PCDHGB5: variants seen among roughly 807,000 people sequenced by gnomAD.
PCDHGB5 encodes the protein protocadherin gamma subfamily B, 5.
PCDHGB5 carries 48 observed loss-of-function variants against 62.9 expected under a neutral mutation model. That is an observed-to-expected ratio of 0.76 (90% confidence interval 0.61 to 0.97). The LOEUF (loss-of-function observed/expected upper bound fraction) is 0.97, where lower values mean the gene tolerates loss of function less well. PCDHGB5 is among the 50% of genes least tolerant of loss of function. The pLI is 0.00. For synonymous variants in PCDHGB5, 474 were observed against 511.2 expected, an observed-to-expected ratio of 0.93 and a Z score of 0.98; for missense variants, 1,118 against 1,198.6, an observed-to-expected ratio of 0.93 and a Z score of 0.99.
chr5:141,495,839 A>G (rs2099764148), intron 2 of PCDHGB5, among the ~76,000 whole-genome samples: 1 of 150,756 alleles, frequency 6.6e-6, no homozygotes, highest in South Asian at 2.1e-4. Flanking sequence ...CCCAGCCTCT[A>G]TGTTTCTCTG....
Position 141,399,654 on chromosome 5 carries a change from G to A in PCDHGB5, c.1527G>A (p.Val509=), listed in dbSNP as rs2093857278. The change falls in exon 1 of 4, where the codon GTG becomes GTA. Residue 509 remains valine (V), a synonymous_variant. Coordinates refer to ENST00000617380, the MANE Select transcript of PCDHGB5 (RefSeq NM_018925.3). ...SYVSMSAQSG[V]VFAQRAFDYE... ...TGTCCATGAGCGCGCAAAGTGGGGTGGTGTTCGCGCAGCGCGCCTTTGACT... is the reference window on the plus strand; with the variant it reads ...TGTCCATGAGCGCGCAAAGTGGGGTAGTGTTCGCGCAGCGCGCCTTTGACT... 1.2e-6 allele frequency: 2 copies of A among 1,613,586 alleles called. No homozygotes were observed.
At position 141,489,494 on chromosome 5, in the gene PCDHGB5, C is replaced by A. The variant is rs1191408769; in HGVS notation, c.2398-5313C>A. ...CTGAGCTTGATGAGTGGTGCCCTGGCAGTGAATCAAAAGATTGACCGAGAA... is the reference window on the plus strand; with the variant it reads ...CTGAGCTTGATGAGTGGTGCCCTGGAAGTGAATCAAAAGATTGACCGAGAA... On this transcript the variant is annotated intron_variant, in intron 1 of 3. Coordinates refer to ENST00000617380, the MANE Select transcript of PCDHGB5 (RefSeq NM_018925.3). This position sits in a 1 kb window ranked among gnomAD's most constrained non-coding sequence, Gnocchi z 4.5. 1.1e-5 allele frequency: 18 copies of A among 1,613,932 alleles called. No individual in the cohort carries two copies. The highest frequency in any genetic ancestry group is 1.7e-5 in the Admixed American group (1 of 59,998).
In PCDHGB5 at chr5:141,400,445, A is replaced by G. The variant is rs779145110; in HGVS notation, c.2318A>G (p.Gln773Arg). ...TGTAGTGAGCAATTGAGTTCAGGAC[A>G]AGACATACTTTGTGGTGATTCATCT... ...LKCSEQLSSGQDILCGDSSGA... is the reference protein window; with the variant it reads ...LKCSEQLSSGRDILCGDSSGA... The change falls in exon 1 of 4, where the codon CAA (glutamine) becomes CGA (arginine). Residue 773 changes from glutamine to arginine, a missense_variant. Physicochemically the swap from Gln to Arg is conservative, Grantham distance 43. This residue lies in a region of PCDHGB5 where 1,034 missense variants were observed against 1,029.1 expected (regional missense o/e 1.00). Transcript: ENST00000617380. The G allele has an allele frequency of 6.2e-7, 1 of 1,614,084 alleles. No individual in the cohort carries two copies. The highest frequency in any genetic ancestry group is 8.5e-7 in the Non-Finnish European group (1 of 1,179,906).
chr5:141,454,228 T>C (rs6896225), intron 1 of PCDHGB5, among the ~76,000 whole-genome samples: 1,935 of 152,208 alleles, frequency 0.013, 54 homozygotes, highest in African/African-American at 0.044. Flanking sequence ...AAAGTAATTG[T>C]GATGAAAAGG....
At chr5:141,404,000 A>G (rs758512396) in intron 1 of PCDHGB5, 1 of 1,613,956 alleles carries the variant, frequency 6.2e-7, no homozygotes. Flanking sequence ...AGTGACCATT[A>G]CATCTCTGTT....
chr5:141,476,236 AAG>A lies in PCDHGB5; in HGVS notation c.2398-18565_2398-18564del. ...TCATTCACTATGAGATCCCGGAGGA[AAG>A]AGAGAAGGGTTTCGCTGTGGGCAAC... is the stretch of plus-strand genomic sequence containing the variant. On this transcript the variant is annotated intron_variant, in intron 1 of 3. Transcript: ENST00000617380. The surrounding 1 kb of genome is among the most constrained non-coding windows in gnomAD (Gnocchi z 7.6). 2.5e-6 allele frequency: 4 copies of A among 1,613,980 alleles called. No individual in the cohort carries two copies. Among genetic ancestry groups the A allele is most frequent in the Non-Finnish European group, 3.4e-6 (4 of 1,180,004 alleles).
chr5:141,421,019 C>T, intron 1 of PCDHGB5: 1 of 516,402 alleles, frequency 1.9e-6, no homozygotes, highest in Non-Finnish European at 3.4e-6. Flanking sequence ...TGGGAAGCTG[C>T]GCGCCATTGA....
At chr5:141,409,988 GCCGACT>G in intron 1 of PCDHGB5, 1 of 1,613,278 alleles carries the variant, frequency 6.2e-7, no homozygotes, top group East Asian at 2.2e-5. Context: ...AGCGGTGGAC[GCCGACT>G]CGGGACACAA....
At position 141,419,393 on chromosome 5, in the gene PCDHGB5, G is replaced by C; in HGVS notation, c.2397+18869G>C. On this transcript the variant is annotated intron_variant, in intron 1 of 3. Transcript: ENST00000617380. ...CTACGTGTCCGTGAGCGCGCAGAGC[G>C]GGGTGGTGTTCGCGCAGCGCGCCTT... 1.2e-6 allele frequency: 2 copies of C among 1,613,620 alleles called. No homozygotes were observed. The highest frequency in any genetic ancestry group is 1.7e-6 in the Non-Finnish European group (2 of 1,179,912).
chr5:141,501,331 A>T (rs1024837974), intron 2 of PCDHGB5, among the ~76,000 whole-genome samples: 2 of 138,846 alleles, frequency 1.4e-5, no homozygotes, highest in Non-Finnish European at 1.6e-5. Flanking sequence ...ACACACACAC[A>T]CACCCCAAAC....
At chr5:141,419,325 AC>A (rs768622826) in intron 1 of PCDHGB5, 1 of 1,613,702 alleles carries the variant, frequency 6.2e-7, no homozygotes, top group Non-Finnish European at 8.5e-7. Context: ...CGTGTCTCCT[AC>A]TCTCTCATTG....
rs772962568 is a variant in PCDHGB5, at chr5:141,476,311, G to A, written c.2398-18496G>A. The stretch of plus-strand genomic sequence containing the variant: ...ATCTCGGTAGCCTCTCAGCCCGCAG[G>A]TTCCGGGTGGTGTCTGGAGCTAGCC... On this transcript the variant is annotated intron_variant, in intron 1 of 3. Transcript: ENST00000617380. The surrounding 1 kb of genome is among the most constrained non-coding windows in gnomAD (Gnocchi z 7.6). 13 of 1,613,680 alleles carry A rather than the reference G, an allele frequency of 8.1e-6. No individual in the cohort carries two copies. The African/African-American group carries it at 1.5e-4, about 18-fold the overall frequency.
chr5:141,430,493 C>G (rs1232369484), intron 1 of PCDHGB5: 1 of 285,344 alleles, frequency 3.5e-6, no homozygotes, highest in African/African-American at 2.2e-5. Flanking sequence ...ACGAAATATC[C>G]TTTCTGGGAG....
In PCDHGB5 at chr5:141,432,413, G is replaced by A; in HGVS notation, c.2397+31889G>A. 1.2e-6 allele frequency: 2 copies of A among 1,614,232 alleles called. No homozygotes were observed. The highest frequency in any genetic ancestry group is 2.2e-5 in the South Asian group (2 of 91,082). Reference sequence around the variant, plus strand: ...CAGCAACGTGTCGTTGAGCCTGTTCGTGCTGGACCAGAACGACAATGCGCC... The same window carrying A: ...CAGCAACGTGTCGTTGAGCCTGTTCATGCTGGACCAGAACGACAATGCGCC... On this transcript the variant is annotated intron_variant, in intron 1 of 3. Coordinates refer to ENST00000617380, the MANE Select transcript of PCDHGB5 (RefSeq NM_018925.3). The surrounding 1 kb of genome is among the most constrained non-coding windows in gnomAD (Gnocchi z 6.0).
chr5:141,511,117 G>A lies in PCDHGB5; in HGVS notation c.2716G>A (p.Ala906Thr). Residue 906 changes from alanine to threonine, a missense_variant, in exon 4 of 4, where the codon GCC becomes ACC. Physicochemically the swap from Ala to Thr is moderately conservative, Grantham distance 58. Around this residue, in one of 2 missense-constraint regions of PCDHGB5, gnomAD observed 1,034 missense variants for 1,029.1 expected, o/e 1.00. Coordinates refer to ENST00000617380, the MANE Select transcript of PCDHGB5 (RefSeq NM_018925.3). ...TNAAGKRDGK[A>T]PAGGNGNKKK... ...CGCAGCTGGCAAGCGGGATGGCAAG[G>A]CCCCAGCAGGTGGCAATGGCAACAA... 6.2e-7 allele frequency: 1 copy of A among 1,614,216 alleles called. No homozygotes were observed. Among genetic ancestry groups the A allele is most frequent in the Non-Finnish European group, 8.5e-7 (1 of 1,180,026 alleles).
chr5:141,431,126 G>A lies in PCDHGB5; in HGVS notation c.2397+30602G>A, dbSNP rs2097344901. The A allele has an allele frequency of 2.5e-6, 4 of 1,614,114 alleles. No individual in the cohort carries two copies. Among genetic ancestry groups the A allele is most frequent in the Non-Finnish European group, 3.4e-6 (4 of 1,180,038 alleles). On this transcript the variant is annotated intron_variant, in intron 1 of 3. Coordinates refer to ENST00000617380, the MANE Select transcript of PCDHGB5 (RefSeq NM_018925.3). The surrounding 1 kb of genome is among the most constrained non-coding windows in gnomAD (Gnocchi z 4.8). ...GAAAATATATGGAGTAGAAGTAGAA[G>A]TAAGGGACATTAACGACAATGCGCC... is the stretch of plus-strand genomic sequence containing the variant.
intron 1 of PCDHGB5, among the ~76,000 whole-genome samples, chr5:141,400,891 A>G (rs1266926061): frequency 6.6e-6 from 1 of 152,222 alleles, no homozygotes; most frequent in African/African-American, 2.4e-5. Context: ...GTATGTAATC[A>G]TTTAATTCAT....
chr5:141,400,594 A>G (rs2150867049), intron 1 of PCDHGB5, 70 bp downstream of exon 1: 1 of 1,603,498 alleles, frequency 6.2e-7, no homozygotes, highest in Non-Finnish European at 8.5e-7. Context: ...AAACTATCGT[A>G]CATTTTCAAG....
At chr5:141,509,335 G>T (rs113423267) in intron 3 of PCDHGB5, among the ~76,000 whole-genome samples, 106 of 152,262 alleles carry the variant, frequency 7.0e-4, no homozygotes, top group African/African-American at 2.4e-3. Context: ...CTGCCAGCTG[G>T]GCCTGGGCTG....
Sources: gnomAD v4.1 joint callset for allele counts (sites outside exome capture counted in the v4.1 genomes callset) on GRCh38, gnomAD v4.1.1 for gene constraint, gnomAD v4.1.1 regional missense constraint, Gnocchi (gnomAD v3.1) non-coding constraint, MANE v1.5 for transcripts, NCBI Gene and HGNC (gene_info 2026-07-23, HGNC 2026-07-21) for gene names.